Variants in UBE2E2 observed in about 807,000 individuals in gnomAD.
UBE2E2 encodes the protein ubiquitin-conjugating enzyme E2 E2.
Under a neutral mutation model 24.7 loss-of-function variants are expected in UBE2E2, and 6 were observed. The ratio of observed to expected loss-of-function variants is 0.24; its 90% confidence interval spans 0.13 to 0.48. The LOEUF is 0.48. UBE2E2 is among the 20% of genes least tolerant of loss of function. UBE2E2 has a pLI of 0.99. For missense variants in UBE2E2, 169 were observed against 245.0 expected, an observed-to-expected ratio of 0.69 and a Z score of 2.07; for synonymous variants, 104 against 83.6, an observed-to-expected ratio of 1.24 and a Z score of -1.33.
At chr3:23,243,550 T>C (rs1017235869) in intron 3 of UBE2E2, among the ~76,000 whole-genome samples, 1 of 152,210 alleles carries the variant, frequency 6.6e-6, no homozygotes, top group African/African-American at 2.4e-5. Context: ...TCGTTTTAGA[T>C]TAATGGCTTT....
chr3:23,492,569 A>G (rs1476615767), intron 3 of UBE2E2, among the ~76,000 whole-genome samples: 1 of 152,200 alleles, frequency 6.6e-6, no homozygotes, highest in Admixed American at 6.5e-5. Flanking sequence ...TTAGGTATCC[A>G]TTACCATTAA....
At chr3:23,338,372 A>G (rs1368506617) in intron 3 of UBE2E2, among the ~76,000 whole-genome samples, 2 of 152,192 alleles carry the variant, frequency 1.3e-5, no homozygotes, top group Non-Finnish European at 2.9e-5. Flanking sequence ...TCTATAATGA[A>G]CCTTGGATTA....
At chr3:23,233,392 C>T (rs1271515904) in intron 3 of UBE2E2, among the ~76,000 whole-genome samples, 1 of 152,082 alleles carries the variant, frequency 6.6e-6, no homozygotes, top group African/African-American at 2.4e-5. Context: ...CCCCTGAGAT[C>T]TGAAGTGGGT....
At chr3:23,455,189 C>T (rs1342926074) in intron 3 of UBE2E2, among the ~76,000 whole-genome samples, 1 of 152,152 alleles carries the variant, frequency 6.6e-6, no homozygotes, top group Non-Finnish European at 1.5e-5. Flanking sequence ...AGCTTGACTA[C>T]CTGTCAATAG....
At chr3:23,216,537 G>A (rs1350603530) in intron 2 of UBE2E2, among the ~76,000 whole-genome samples, 6 of 152,108 alleles carry the variant, frequency 3.9e-5, no homozygotes, top group Admixed American at 3.9e-4. Flanking sequence ...ATTTAATAAG[G>A]TATGAATGAT....
rs867666181 is a variant in UBE2E2 at position 23,323,642 on chromosome 3, C to T, written c.227+106330C>T. The T allele has an allele frequency of 1.3e-5, 5 of 395,636 alleles. No individual in the cohort carries two copies. The Middle Eastern group carries it at 1.5e-3, about 122-fold the overall frequency. 24.5% of individuals were successfully genotyped at this position (395,636 alleles called of 1,614,324 possible). Reference sequence around the variant, plus strand: ...AAAAAATAAAATATCCAAAACACTTCTGGGGTTAAGCATTTCAGATAAGGG... The same window carrying T: ...AAAAAATAAAATATCCAAAACACTTTTGGGGTTAAGCATTTCAGATAAGGG... On this transcript the variant is annotated intron_variant, in intron 3 of 5. Transcript: ENST00000396703.
At chr3:23,366,618 G>A (rs560393851) in intron 3 of UBE2E2, among the ~76,000 whole-genome samples, 1 of 152,260 alleles carries the variant, frequency 6.6e-6, no homozygotes, top group East Asian at 1.9e-4. Flanking sequence ...GCCTCCTAGG[G>A]TGGAGGGTGG....
rs1238384427 is a variant in UBE2E2, at chr3:23,407,642, C to CATGTGTGT, written c.228-91966_228-91965insATGTGTGT. ...ATGTGTGTGTGTTTGTGTGTGCATGCGTGCATGTGTGTGTGTGTGTGTGTG... is the reference window on the plus strand; with the variant it reads ...ATGTGTGTGTGTTTGTGTGTGCATGCATGTGTGTGTGCATGTGTGTGTGTGTGTGTGTG... On this transcript the variant is annotated intron_variant, in intron 3 of 5. Transcript: ENST00000396703. The surrounding 1 kb of genome is among the most constrained non-coding windows in gnomAD (Gnocchi z 4.0). Among the ~76,000 whole-genome samples the CATGTGTGT allele has an allele frequency of 1.7e-5, 2 of 119,290 alleles. No individual in the cohort carries two copies. Among genetic ancestry groups the CATGTGTGT allele is most frequent in the African/African-American group, 7.3e-5 (2 of 27,454 alleles). The allele number at this position is 119,290 out of a possible 152,430, so 78.3% of individuals were successfully genotyped here. A position where few individuals can be genotyped will look rare whatever the true frequency, so the allele number is the denominator to read the frequency against.
At chr3:23,210,662 A>G (rs1037101415) in intron 2 of UBE2E2, among the ~76,000 whole-genome samples, 4 of 149,794 alleles carry the variant, frequency 2.7e-5, no homozygotes, top group African/African-American at 1.0e-4. Context: ...TAGTTTAGAG[A>G]TAATGTATGT....
intron 5 of UBE2E2, among the ~76,000 whole-genome samples, chr3:23,534,836 A>G (rs954770392): frequency 1.3e-5 from 2 of 152,220 alleles, no homozygotes; most frequent in African/African-American, 4.8e-5. Context: ...AGATTTTCCT[A>G]CACTGAATCT....
At chr3:23,303,227 G>A (rs551532010) in intron 3 of UBE2E2, among the ~76,000 whole-genome samples, 1 of 152,138 alleles carries the variant, frequency 6.6e-6, no homozygotes, top group Non-Finnish European at 1.5e-5. Context: ...TCTAGTTGCA[G>A]GAAGACGAAC....
At chr3:23,570,573 T>C (rs1696196320) in intron 5 of UBE2E2, among the ~76,000 whole-genome samples, 1 of 152,294 alleles carries the variant, frequency 6.6e-6, no homozygotes, top group Middle Eastern at 3.4e-3. Context: ...TTATAAAATA[T>C]ACAGTACTCT....
chr3:23,492,938 A>G (rs965374686), intron 3 of UBE2E2, among the ~76,000 whole-genome samples: 27 of 152,138 alleles, frequency 1.8e-4, no homozygotes, highest in African/African-American at 6.3e-4. Flanking sequence ...TCAACCTGTA[A>G]TTATTATTAA....
chr3:23,325,580 A>G (rs1285183749), intron 3 of UBE2E2, among the ~76,000 whole-genome samples: 1 of 152,214 alleles, frequency 6.6e-6, no homozygotes, highest in African/African-American at 2.4e-5. Flanking sequence ...GTCTAAACCC[A>G]TAGACTTACA....
At chr3:23,444,065 G>GTT (rs59171795) in intron 3 of UBE2E2, among the ~76,000 whole-genome samples, 6,656 of 117,328 alleles carry the variant, frequency 0.057, 257 homozygotes, top group Non-Finnish European at 0.075. Flanking sequence ...CACCAGTTTT[G>GTT]TTTTTTTTTT....
At chr3:23,273,070 C>G (rs1229028012) in intron 3 of UBE2E2, among the ~76,000 whole-genome samples, 5 of 152,192 alleles carry the variant, frequency 3.3e-5, no homozygotes, top group African/African-American at 1.2e-4. Flanking sequence ...CCCTCACAGA[C>G]ACACTTGGAA....
At chr3:23,312,178 C>A (rs932040886) in intron 3 of UBE2E2, among the ~76,000 whole-genome samples, 6 of 151,936 alleles carry the variant, frequency 3.9e-5, no homozygotes, top group Non-Finnish European at 5.9e-5. Flanking sequence ...GGCCTCCCCC[C>A]AAAAAAAAGC....
At chr3:23,359,523 G>A (rs1207759079) in intron 3 of UBE2E2, among the ~76,000 whole-genome samples, 2 of 152,078 alleles carry the variant, frequency 1.3e-5, no homozygotes, top group Non-Finnish European at 2.9e-5. Context: ...TATAACTGGT[G>A]TCTACAGATT....
At chr3:23,246,680 A>G (rs1024263370) in intron 3 of UBE2E2, among the ~76,000 whole-genome samples, 8 of 151,202 alleles carry the variant, frequency 5.3e-5, no homozygotes, top group African/African-American at 1.9e-4. Context: ...CCTGACCAGT[A>G]AAGATATTTT....
Sources: gnomAD v4.1 joint callset for allele counts (sites outside exome capture counted in the v4.1 genomes callset) on GRCh38, gnomAD v4.1.1 for gene constraint, Gnocchi (gnomAD v3.1) non-coding constraint, MANE v1.5 for transcripts, NCBI Gene and HGNC (gene_info 2026-07-23, HGNC 2026-07-21) for gene names.